The following CPZ variants were observed in gnomAD, a reference collection of about 807,000 sequenced individuals.
CPZ encodes VEZT/CPZ fusion.
CPZ carries 103 observed loss-of-function variants against 61.8 expected under a neutral mutation model. That is an observed-to-expected ratio of 1.67 (90% CI 1.42 to 1.96). The LOEUF is 1.96. CPZ is among the 30% of genes most tolerant of loss of function. The pLI, the probability that CPZ is intolerant of heterozygous loss-of-function variation, is 0.00. For synonymous variants in CPZ, 551 were observed against 373.7 expected (o/e 1.47, Z -5.47); for missense variants, 1,461 against 914.9 (o/e 1.60, Z -7.70).
intron 7 of CPZ, among the ~76,000 whole-genome samples, chr4:8,607,641 C>G (rs1029543826): frequency 6.6e-6 from 1 of 152,196 alleles, no homozygotes; most frequent in African/African-American, 2.4e-5. Context: ...CCTGATCTCC[C>G]CGAGGCTGGC....
intron 9 of CPZ, among the ~76,000 whole-genome samples, chr4:8,617,119 C>T (rs1716240671): frequency 1.3e-5 from 2 of 152,226 alleles, no homozygotes; most frequent in African/African-American, 4.8e-5. Context: ...GCCACAGGGT[C>T]TGAGCTCACG....
In CPZ at chr4:8,592,808, G is replaced by A. The variant is rs560537957; in HGVS notation, c.-26G>A. ...GGCCCGAGTGCCACATCACTGCGCT[G>A]GCCGTCCAAGGTCCGCCGCCCCACC... On this transcript the variant is annotated 5_prime_UTR_variant, in exon 1 of 11. Transcript: ENST00000360986. 1.1e-5 allele frequency: 16 copies of A among 1,422,262 alleles called. No individual in the cohort carries two copies. In the South Asian group the frequency reaches 1.9e-4, roughly 17 times the overall value. The allele number at this position is 1,422,262 out of a possible 1,614,324, so 88.1% of individuals were successfully genotyped here.
At chr4:8,614,880 G>A (rs1577127995) in intron 9 of CPZ, among the ~76,000 whole-genome samples, 1 of 152,220 alleles carries the variant, frequency 6.6e-6, no homozygotes, top group Non-Finnish European at 1.5e-5. Flanking sequence ...AGAAGGGTAG[G>A]AGAAATCAAA....
intron 7 of CPZ, among the ~76,000 whole-genome samples, chr4:8,610,193 A>G (rs1175560495): frequency 6.6e-6 from 1 of 152,148 alleles, no homozygotes; most frequent in African/African-American, 2.4e-5. Context: ...ATTCAGTCCC[A>G]GCTTCCCTGC....
intron 9 of CPZ, among the ~76,000 whole-genome samples, chr4:8,615,595 A>T (rs1480262942): frequency 2.6e-5 from 4 of 152,310 alleles, no homozygotes; most frequent in Admixed American, 1.3e-4. Flanking sequence ...CGGGCGGCAG[A>T]CGGGGCCGTC....
Position 8,604,162 on chromosome 4 carries a change from C to G in CPZ, c.683C>G (p.Ser228Cys). The change falls in exon 4 of 11, where the codon TCC becomes TGC. Residue 228 changes from serine to cysteine, a missense_variant. Physicochemically the swap from Ser to Cys is moderately radical, Grantham distance 112. Coordinates refer to ENST00000360986, the MANE Select transcript of CPZ (RefSeq NM_001014447.3). ...DGRELLVIEFSSRPGQHELME... is the reference protein window; with the variant it reads ...DGRELLVIEFCSRPGQHELME... ...AGGGAGCTGCTGGTCATCGAGTTCTCCAGCCGCCCCGGCCAGCACGAGCTG... is the reference window on the plus strand; with the variant it reads ...AGGGAGCTGCTGGTCATCGAGTTCTGCAGCCGCCCCGGCCAGCACGAGCTG... 1 of 1,572,300 alleles carries G rather than the reference C, an allele frequency of 6.4e-7. No homozygotes were observed. Among genetic ancestry groups the G allele is most frequent in the Non-Finnish European group, 8.6e-7 (1 of 1,157,966 alleles).
Position 8,607,353 on chromosome 4 carries a change from G to A in CPZ, c.1155G>A (p.Val385=), listed in dbSNP as rs996971924. The A allele has an allele frequency of 2.2e-5, 35 of 1,614,102 alleles. No individual in the cohort carries two copies. In the South Asian group the frequency reaches 3.8e-4, roughly 18 times the overall value. ...CCAGCCTTCATGGGGGCGACCTGGTGGTGTCCTACCCCTTCGACTTCTCCA... is the reference window on the plus strand; with the variant it reads ...CCAGCCTTCATGGGGGCGACCTGGTAGTGTCCTACCCCTTCGACTTCTCCA... The part of the protein sequence containing the change: ...LSASLHGGDL[V]VSYPFDFSKH... The change falls in exon 7 of 11, where the codon GTG becomes GTA. Residue 385 remains valine (V), a synonymous_variant. Transcript: ENST00000360986.
At chr4:8,618,839 G>C (rs1716436180) in intron 10 of CPZ, among the ~76,000 whole-genome samples, 1 of 152,222 alleles carries the variant, frequency 6.6e-6, no homozygotes, top group Non-Finnish European at 1.5e-5. Context: ...AAGCCTGTTT[G>C]TTTCTATCCC....
chr4:8,608,680 T>A (rs1347029149), intron 7 of CPZ, among the ~76,000 whole-genome samples: 1 of 87,758 alleles, frequency 1.1e-5, no homozygotes, highest in African/African-American at 4.3e-5. Flanking sequence ...GTGCATATGT[T>A]GGGGTGGGGA....
At chr4:8,608,939 C>T (rs1286966931) in intron 7 of CPZ, among the ~76,000 whole-genome samples, 1 of 152,156 alleles carries the variant, frequency 6.6e-6, no homozygotes, top group Non-Finnish European at 1.5e-5. Flanking sequence ...GTGACAGCAA[C>T]ACCTGGGCCA....
At position 8,618,432 on chromosome 4, in the gene CPZ, CACCG is replaced by C. The variant is rs1716388394; in HGVS notation, c.1508_1511del (p.His503ArgfsTer7). On this transcript the variant is annotated frameshift_variant, in exon 10 of 11. Coordinates refer to ENST00000360986, the MANE Select transcript of CPZ (RefSeq NM_001014447.3). LOFTEE classifies it high-confidence loss of function. Reference sequence around the variant, plus strand: ...GGCCTCCCCTTGGTCTCTTCAGGTGCACCGGGGCATCAAAGGTGTGGTGACAGAT... The same window carrying C: ...GGCCTCCCCTTGGTCTCTTCAGGTGCGGGCATCAAAGGTGTGGTGACAGAT... 1 of 1,613,996 alleles carries C rather than the reference CACCG, an allele frequency of 6.2e-7. No individual in the cohort carries two copies. Among genetic ancestry groups the C allele is most frequent in the Non-Finnish European group, 8.5e-7 (1 of 1,180,008 alleles).
Position 8,606,099 on chromosome 4 carries a change from C to A in CPZ, c.820C>A (p.Pro274Thr). 4 of 1,614,194 alleles carry A rather than the reference C, an allele frequency of 2.5e-6. No individual in the cohort carries two copies. In the South Asian group the frequency reaches 4.4e-5, roughly 18 times the overall value. ...YLCSEYLLGN[P>T]RIQRLLNTTR... ...GTGCTCTGAGTACCTGCTTGGTAAC[C>A]CCCGCATCCAGCGCCTGCTCAACAC... The change falls in exon 5 of 11, where the codon CCC (proline) becomes ACC (threonine). Residue 274 changes from proline (P) to threonine (T), a missense_variant. Transcript: ENST00000360986.
chr4:8,600,813 C>T (rs1482279493), intron 2 of CPZ: 4 of 608,000 alleles, frequency 6.6e-6, no homozygotes, highest in African/African-American at 3.8e-5. Context: ...AATGCAGCAT[C>T]AGCTGGCTGC....
chr4:8,608,891 T>G (rs1410904316), intron 7 of CPZ, among the ~76,000 whole-genome samples: 1 of 152,120 alleles, frequency 6.6e-6, no homozygotes, highest in African/African-American at 2.4e-5. Flanking sequence ...CCAGCAGGAA[T>G]GGGGAGAGCA....
At chr4:8,605,856 A>G in intron 4 of CPZ, 133 bp from the exon 5 acceptor site, 1 of 857,108 alleles carries the variant, frequency 1.2e-6, no homozygotes, top group Middle Eastern at 2.3e-4. Context: ...CATTATATAC[A>G]GAGGTTCTTG....
intron 9 of CPZ, among the ~76,000 whole-genome samples, chr4:8,617,579 G>T (rs1045039540): frequency 6.6e-6 from 1 of 152,234 alleles, no homozygotes; most frequent in Non-Finnish European, 1.5e-5. Flanking sequence ...AGAGGAGCAA[G>T]ATCATTTTCA....
chr4:8,611,053 C>T (rs374089517), intron 7 of CPZ: 38 of 374,452 alleles, frequency 1.0e-4, no homozygotes, highest in Middle Eastern at 7.4e-4. Flanking sequence ...CTCACGCATT[C>T]GCTCACTCAC....
intron 7 of CPZ, among the ~76,000 whole-genome samples, chr4:8,611,454 T>C (rs58005124): frequency 0.084 from 12,709 of 151,870 alleles, 1,730 homozygotes; most frequent in African/African-American, 0.29. Flanking sequence ...CTGTGTTCTG[T>C]CCCTCTGCCA....
In CPZ at chr4:8,612,189, GC is replaced by G. The variant is rs200309554; in HGVS notation, c.1363+28del. On this transcript the variant is annotated intron_variant, in intron 8 of 10. Coordinates refer to ENST00000360986, the MANE Select transcript of CPZ (RefSeq NM_001014447.3). The stretch of plus-strand genomic sequence containing the variant: ...TGCGGCTTCCGCAGGGCGGGACTGG[GC>G]GGGGGGTGGGGGGTGCAGGGGCTGG... The G allele has an allele frequency of 3.6e-4, 176 of 486,360 alleles. 3 individuals carry two copies. Among genetic ancestry groups the G allele is most frequent in the African/African-American group, 2.7e-3 (125 of 46,344 alleles). The allele number at this position is 486,360 out of a possible 1,614,324, so 30.1% of individuals were successfully genotyped here.
Sources: allele counts gnomAD v4.1 joint callset (sites outside exome capture counted in the v4.1 genomes callset), GRCh38; gene constraint gnomAD v4.1.1; transcripts MANE v1.5; gene names NCBI Gene and HGNC (gene_info 2026-07-23, HGNC 2026-07-21).